Variants in KIRREL3 observed in about 807,000 individuals in gnomAD.
The protein encoded by KIRREL3 is kin of IRRE-like protein 3.
A neutral mutation model predicts 89.7 loss-of-function variants in KIRREL3; 36 were observed. That is an observed-to-expected ratio of 0.40 (90% CI 0.31 to 0.53). The LOEUF (loss-of-function observed/expected upper bound fraction) is 0.53, where lower values mean the gene tolerates loss of function less well. Ranked by LOEUF, KIRREL3 falls within the 20% of genes least tolerant of loss-of-function variation. The pLI, the probability that KIRREL3 is intolerant of heterozygous loss-of-function variation, is 0.49. For synonymous variants in KIRREL3, 445 were observed against 441.4 expected (o/e 1.01, Z -0.10); for missense variants, 864 against 1,056.6 (o/e 0.82, Z 2.53).
rs1437024282 is a variant in KIRREL3, at chr11:126,462,501, C to G, written c.742+656G>C. Reference sequence around the variant, plus strand: ...CCAATATGGTGAAACCCCATATCTACTAAAGATACAGAAATTAGCTGGGTG... The same window carrying G: ...CCAATATGGTGAAACCCCATATCTAGTAAAGATACAGAAATTAGCTGGGTG... On this transcript the variant is annotated intron_variant, in intron 6 of 16. Transcript: ENST00000525144. The surrounding 1 kb of genome is among the most constrained non-coding windows in gnomAD (Gnocchi z 4.8). Among the ~76,000 whole-genome samples, 1 of 152,080 alleles carries G rather than the reference C, an allele frequency of 6.6e-6. No homozygotes were observed. The highest frequency in any genetic ancestry group is 1.5e-5 in the Non-Finnish European group (1 of 68,016).
chr11:126,962,640 C>T (rs1379586596), intron 1 of KIRREL3, among the ~76,000 whole-genome samples: 4 of 152,156 alleles, frequency 2.6e-5, no homozygotes, highest in Admixed American at 2.6e-4. Flanking sequence ...AAAGCAGCAG[C>T]AGGATTTGAG....
Position 126,551,748 on chromosome 11 carries a change from C to T in KIRREL3, c.133+11087G>A, listed in dbSNP as rs570804825. On this transcript the variant is annotated intron_variant, in intron 2 of 16. Coordinates refer to ENST00000525144, the MANE Select transcript of KIRREL3 (RefSeq NM_032531.4). This position sits in a 1 kb window ranked among gnomAD's most constrained non-coding sequence, Gnocchi z 4.9. ...CACTGCAACCTCTCCTGGGTTCAAGCGATTCTCCTGCCTCAGCCTCCTGAG... is the reference window on the plus strand; with the variant it reads ...CACTGCAACCTCTCCTGGGTTCAAGTGATTCTCCTGCCTCAGCCTCCTGAG... 7.0e-4 allele frequency among the ~76,000 whole-genome samples: 106 copies of T among 151,266 alleles called. No individual in the cohort carries two copies. The highest frequency in any genetic ancestry group is 1.1e-3 in the Non-Finnish European group (75 of 67,958).
At chr11:126,871,959 C>T (rs541081758) in intron 1 of KIRREL3, among the ~76,000 whole-genome samples, 2 of 152,286 alleles carry the variant, frequency 1.3e-5, no homozygotes, top group East Asian at 3.9e-4. Flanking sequence ...CTCAGGATAT[C>T]CTCCTGTTTC....
chr11:126,634,547 G>T (rs549376470), intron 1 of KIRREL3, among the ~76,000 whole-genome samples: 1 of 152,256 alleles, frequency 6.6e-6, no homozygotes, highest in East Asian at 1.9e-4. Flanking sequence ...GCGCCACTTG[G>T]GCTGGAGAGG....
intron 4 of KIRREL3, among the ~76,000 whole-genome samples, chr11:126,503,792 C>T (rs1402259345): frequency 6.6e-6 from 1 of 150,876 alleles, no homozygotes; most frequent in African/African-American, 2.4e-5. Flanking sequence ...CCTCCCTCTC[C>T]TTCTCTCTCT....
chr11:126,911,970 G>A (rs1447961391), intron 1 of KIRREL3, among the ~76,000 whole-genome samples: 2 of 121,354 alleles, frequency 1.6e-5, no homozygotes, highest in East Asian at 2.6e-4. Context: ...GCGACAGAGC[G>A]AGACTCTGTC....
rs1041341900 is a variant in KIRREL3, at chr11:126,570,120, C to T, written c.56-7208G>A. 2.3e-4 allele frequency among the ~76,000 whole-genome samples: 35 copies of T among 152,118 alleles called. No individual in the cohort carries two copies. The East Asian group carries it at 2.5e-3, about 11-fold the overall frequency. On this transcript the variant is annotated intron_variant, in intron 1 of 16. Coordinates refer to ENST00000525144, the MANE Select transcript of KIRREL3 (RefSeq NM_032531.4). This position sits in a 1 kb window ranked among gnomAD's most constrained non-coding sequence, Gnocchi z 6.1. ...AGTGCCTGGCCCTGGACCTCCAGGACGAGTGATAAATGTTTAATTAGCCCA... is the reference window on the plus strand; with the variant it reads ...AGTGCCTGGCCCTGGACCTCCAGGATGAGTGATAAATGTTTAATTAGCCCA...
At chr11:126,644,245 G>T (rs1477274415) in intron 1 of KIRREL3, among the ~76,000 whole-genome samples, 5 of 152,190 alleles carry the variant, frequency 3.3e-5, no homozygotes, top group Non-Finnish European at 7.3e-5. Context: ...ACGAAAAGCT[G>T]AGTGTTACTA....
At chr11:126,552,082 T>A (rs1019896482) in intron 2 of KIRREL3, among the ~76,000 whole-genome samples, 10 of 152,276 alleles carry the variant, frequency 6.6e-5, no homozygotes, top group African/African-American at 2.4e-4. Flanking sequence ...CTCTTTCCAG[T>A]TGTTAATGTA....
At position 126,764,655 on chromosome 11, in the gene KIRREL3, A is replaced by T. The variant is rs991463778; in HGVS notation, c.56-201743T>A. 6.6e-6 allele frequency among the ~76,000 whole-genome samples: 1 copy of T among 152,236 alleles called. No individual in the cohort carries two copies. Among genetic ancestry groups the T allele is most frequent in the Non-Finnish European group, 1.5e-5 (1 of 68,044 alleles). ...AGTTTAGTTAATCTTTGGTTAGCAC[A>T]TGCACACGTGGGCACGTGCAAACTC... On this transcript the variant is annotated intron_variant, in intron 1 of 16. Coordinates refer to ENST00000525144, the MANE Select transcript of KIRREL3 (RefSeq NM_032531.4). This position sits in a 1 kb window ranked among gnomAD's most constrained non-coding sequence, Gnocchi z 4.2.
intron 1 of KIRREL3, among the ~76,000 whole-genome samples, chr11:126,875,980 C>T (rs553378113): frequency 1.4e-4 from 21 of 152,196 alleles, no homozygotes; most frequent in African/African-American, 4.6e-4. Flanking sequence ...GAGGTGAAAC[C>T]GAAATTGAAT....
intron 1 of KIRREL3, among the ~76,000 whole-genome samples, chr11:126,793,833 A>G (rs552191102): frequency 6.6e-6 from 1 of 152,218 alleles, no homozygotes; most frequent in Non-Finnish European, 1.5e-5. Flanking sequence ...CCTCTGCATG[A>G]CTGAGCTCCA....
Position 126,924,886 on chromosome 11 carries a change from G to A in KIRREL3, c.55+75569C>T, listed in dbSNP as rs953272275. ...TCACTCTCCAACAGCATGAATATTC[G>A]GTGTGACTGTGGCTCTGTGTATGTG... is the stretch of plus-strand genomic sequence containing the variant. On this transcript the variant is annotated intron_variant, in intron 1 of 16. Coordinates refer to ENST00000525144, the MANE Select transcript of KIRREL3 (RefSeq NM_032531.4). The surrounding 1 kb of genome is among the most constrained non-coding windows in gnomAD (Gnocchi z 4.7). Among the ~76,000 whole-genome samples, 1 of 151,688 alleles carries A rather than the reference G, an allele frequency of 6.6e-6. No homozygotes were observed. The highest frequency in any genetic ancestry group is 1.5e-5 in the Non-Finnish European group (1 of 67,984).
rs1276846674 is a variant in KIRREL3, at chr11:126,709,828, T to C, written c.56-146916A>G. On this transcript the variant is annotated intron_variant, in intron 1 of 16. Transcript: ENST00000525144. This position sits in a 1 kb window ranked among gnomAD's most constrained non-coding sequence, Gnocchi z 4.0. ...TGTTACAGCAGCCCAGGGAAACTAA[T>C]ACAGGAGGCCGGGCAGGCATTGTCC... 6.6e-6 allele frequency among the ~76,000 whole-genome samples: 1 copy of C among 152,172 alleles called. No homozygotes were observed. Among genetic ancestry groups the C allele is most frequent in the Non-Finnish European group, 1.5e-5 (1 of 68,036 alleles).
In KIRREL3 at chr11:126,449,094, G is replaced by A. The variant is rs757445853; in HGVS notation, c.912C>T (p.Asp304=). ...ASGEVYRTTV[D]YTYFSEPVSC... is the part of the protein sequence containing the mutation. ...AGACGGGCTCTGAGAAGTACGTGTAGTCCACTGTGGTCCTGTACACCTCTC... is the reference window on the plus strand; with the variant it reads ...AGACGGGCTCTGAGAAGTACGTGTAATCCACTGTGGTCCTGTACACCTCTC... Residue 304 remains aspartate (D), a synonymous_variant, in exon 8 of 17, where the codon GAC becomes GAT. Coordinates refer to ENST00000525144, the MANE Select transcript of KIRREL3 (RefSeq NM_032531.4). 6.2e-7 allele frequency: 1 copy of A among 1,614,024 alleles called. No homozygotes were observed. The highest frequency in any genetic ancestry group is 1.1e-5 in the South Asian group (1 of 91,088).
rs1565634735 is a variant in KIRREL3 at position 126,668,737 on chromosome 11, CT to C, written c.56-105826del. On this transcript the variant is annotated intron_variant, in intron 1 of 16. Transcript: ENST00000525144. The surrounding 1 kb of genome is among the most constrained non-coding windows in gnomAD (Gnocchi z 4.4). ...TCTTTCTTTCTTTCTTTCTTTCTTT[CT>C]TTCTTTCTTTCTTTCTTTTTTCTCT... Among the ~76,000 whole-genome samples, 1 of 118,320 alleles carries C rather than the reference CT, an allele frequency of 8.5e-6. No homozygotes were observed. Among genetic ancestry groups the C allele is most frequent in the African/African-American group, 2.9e-5 (1 of 34,278 alleles). The allele number at this position is 118,320 out of a possible 152,430, so 77.6% of individuals were successfully genotyped here. A position where few individuals can be genotyped will look rare whatever the true frequency, so the allele number is the denominator to read the frequency against.
intron 1 of KIRREL3, among the ~76,000 whole-genome samples, chr11:126,779,632 C>T (rs80292424): frequency 0.031 from 4,744 of 152,198 alleles, 236 homozygotes; most frequent in African/African-American, 0.11. Flanking sequence ...ATAGTCTCAA[C>T]ACCTGGCGTC....
At chr11:126,803,868 A>G (rs1321100249) in intron 1 of KIRREL3, among the ~76,000 whole-genome samples, 1 of 152,256 alleles carries the variant, frequency 6.6e-6, no homozygotes, top group Non-Finnish European at 1.5e-5. Flanking sequence ...CCACACATAC[A>G]ACATCTATAT....
chr11:126,528,374 G>C lies in KIRREL3; in HGVS notation c.134-1687C>G, dbSNP rs1958828646. Among the ~76,000 whole-genome samples, 1 of 152,226 alleles carries C rather than the reference G, an allele frequency of 6.6e-6. No individual in the cohort carries two copies. The highest frequency in any genetic ancestry group is 1.9e-4 in the East Asian group (1 of 5,190). On this transcript the variant is annotated intron_variant, in intron 2 of 16. Transcript: ENST00000525144. The surrounding 1 kb of genome is among the most constrained non-coding windows in gnomAD (Gnocchi z 4.6). ...TGACCCCAAGAGGGAGACACTTGGT[G>C]TGTATCAACCCAGGGGAGCTTGGAT...
Sources: gnomAD v4.1 joint callset for allele counts (sites outside exome capture counted in the v4.1 genomes callset) on GRCh38, gnomAD v4.1.1 for gene constraint, Gnocchi (gnomAD v3.1) non-coding constraint, MANE v1.5 for transcripts, NCBI Gene and HGNC (gene_info 2026-07-23, HGNC 2026-07-21) for gene names.